LIN7A: variants seen among roughly 807,000 people sequenced by gnomAD.
LIN7A encodes the protein lin-7 cell polarity scaffold A, also known as protein lin-7 homolog A.
Under a neutral mutation model 29.8 loss-of-function variants are expected in LIN7A, and 25 were observed. The ratio of observed to expected loss-of-function variants is 0.84; its 90% CI spans 0.61 to 1.17. The LOEUF is 1.17. Ranked by LOEUF, LIN7A falls within the 50% of genes most tolerant of loss-of-function variation. The probability of loss-of-function intolerance (pLI) is 0.00; values close to 1 mark genes in which losing one functional copy is unlikely to be tolerated. For synonymous variants in LIN7A, 118 were observed against 107.5 expected (o/e 1.10, Z -0.60); for missense variants, 239 against 287.0 (o/e 0.83, Z 1.21).
intron 1 of LIN7A, among the ~76,000 whole-genome samples, chr12:80,907,071 G>C (rs918996761): frequency 4.8e-5 from 7 of 146,682 alleles, no homozygotes; most frequent in Non-Finnish European, 1.1e-4. Flanking sequence ...GTGTGTGTGT[G>C]TGTGTGTGTG....
intron 1 of LIN7A, among the ~76,000 whole-genome samples, chr12:80,917,944 A>C (rs1353250145): frequency 6.6e-6 from 1 of 152,248 alleles, no homozygotes; most frequent in Admixed American, 6.5e-5. Flanking sequence ...ATGAGAAACC[A>C]GTGTAAATAA....
intron 4 of LIN7A, among the ~76,000 whole-genome samples, chr12:80,822,836 G>C (rs953456682): frequency 2.0e-4 from 31 of 152,104 alleles, no homozygotes; most frequent in Non-Finnish European, 1.6e-4. Flanking sequence ...GCAGACTCCT[G>C]GGTGGAAAGG....
At chr12:80,811,107 C>T (rs1871265136) in intron 5 of LIN7A, among the ~76,000 whole-genome samples, 1 of 152,130 alleles carries the variant, frequency 6.6e-6, no homozygotes, top group Non-Finnish European at 1.5e-5. Context: ...TGGAATCCAG[C>T]CCACACTCTT....
At chr12:80,867,598 G>C (rs987653390) in intron 2 of LIN7A, among the ~76,000 whole-genome samples, 2 of 152,014 alleles carry the variant, frequency 1.3e-5, no homozygotes, top group African/African-American at 4.8e-5. Context: ...TAAGTTTTCT[G>C]TTATGCAAAT....
At chr12:80,835,181 A>G (rs1378828639) in intron 4 of LIN7A, among the ~76,000 whole-genome samples, 2 of 152,198 alleles carry the variant, frequency 1.3e-5, no homozygotes, top group African/African-American at 2.4e-5. Flanking sequence ...TTTGTAAATT[A>G]AGGAAAAATG....
chr12:80,871,076 A>T (rs1423448592), intron 2 of LIN7A, among the ~76,000 whole-genome samples: 1 of 152,198 alleles, frequency 6.6e-6, no homozygotes, highest in South Asian at 2.1e-4. Context: ...TGAAGGAGTC[A>T]GTGTTTGTTA....
At chr12:80,922,129 C>T (rs1034913425) in intron 1 of LIN7A, among the ~76,000 whole-genome samples, 5 of 152,172 alleles carry the variant, frequency 3.3e-5, no homozygotes, top group Non-Finnish European at 7.3e-5. Flanking sequence ...TTTTGGCCTA[C>T]AGGAGTAAAC....
intron 5 of LIN7A, among the ~76,000 whole-genome samples, chr12:80,801,667 C>T (rs2121486221): frequency 6.6e-6 from 1 of 152,274 alleles, no homozygotes; most frequent in Admixed American, 6.5e-5. Context: ...TTTATCACCA[C>T]ACATACTTAT....
chr12:80,815,332 A>G (rs538504976), intron 4 of LIN7A, among the ~76,000 whole-genome samples: 1 of 152,314 alleles, frequency 6.6e-6, no homozygotes, highest in African/African-American at 2.4e-5. Context: ...TGTTGCATGA[A>G]TAAAAAGAAG....
chr12:80,832,704 C>T, intron 4 of LIN7A: 2 of 431,416 alleles, frequency 4.6e-6, no homozygotes, highest in Non-Finnish European at 9.2e-6. Context: ...CATGTTGATG[C>T]TATGATTTGG....
At chr12:80,878,555 G>A (rs924613266) in intron 2 of LIN7A, among the ~76,000 whole-genome samples, 2 of 152,182 alleles carry the variant, frequency 1.3e-5, no homozygotes, top group Admixed American at 1.3e-4. Flanking sequence ...GTGAGCAGCA[G>A]CAAGATTTAT....
chr12:80,807,259 A>G (rs1871088817), intron 5 of LIN7A, among the ~76,000 whole-genome samples: 1 of 151,546 alleles, frequency 6.6e-6, no homozygotes, highest in Admixed American at 6.6e-5. Flanking sequence ...TTTAGTAGAG[A>G]CGGGGTTTCA....
intron 4 of LIN7A, among the ~76,000 whole-genome samples, chr12:80,817,237 A>C (rs1331662072): frequency 6.6e-6 from 1 of 152,120 alleles, no homozygotes; most frequent in Non-Finnish European, 1.5e-5. Context: ...TTTGAATTGC[A>C]CTACATACAT....
chr12:80,864,126 A>G (rs908767340), intron 2 of LIN7A, among the ~76,000 whole-genome samples: 4 of 152,176 alleles, frequency 2.6e-5, no homozygotes, highest in African/African-American at 4.8e-5. Context: ...AGTTACACTC[A>G]TAAGTTTAAG....
In LIN7A at chr12:80,937,621, C is replaced by G. The variant is rs532540343; in HGVS notation, c.82+20G>C. 5.5e-6 allele frequency: 8 copies of G among 1,456,024 alleles called. No homozygotes were observed. The highest frequency in any genetic ancestry group is 5.6e-5 in the East Asian group (2 of 35,992). The allele number at this position is 1,456,024 out of a possible 1,614,324, so 90.2% of individuals were successfully genotyped here. On this transcript the variant is annotated intron_variant, in intron 1 of 5. Coordinates refer to ENST00000552864, the MANE Select transcript of LIN7A (RefSeq NM_004664.4). The stretch of plus-strand genomic sequence containing the variant: ...GGGGAGAGGGGACGCGGTGGCCTGG[C>G]GAGCGAGCCGCTCCCTTACCTCTGT...
chr12:80,803,768 G>A (rs1312961027), intron 5 of LIN7A, among the ~76,000 whole-genome samples: 1 of 152,130 alleles, frequency 6.6e-6, no homozygotes, highest in Non-Finnish European at 1.5e-5. Context: ...TAATTTTTAT[G>A]GTAGCCATGG....
At chr12:80,927,800 CT>C (rs1400435686) in intron 1 of LIN7A, among the ~76,000 whole-genome samples, 10 of 152,238 alleles carry the variant, frequency 6.6e-5, no homozygotes, top group Admixed American at 5.9e-4. Context: ...CGTTGGTTTG[CT>C]GCACCCGTCA....
rs180726127 is a variant in LIN7A, at chr12:80,874,467, T to C, written c.201+14784A>G. 2.6e-5 allele frequency among the ~76,000 whole-genome samples: 4 copies of C among 152,294 alleles called. No individual in the cohort carries two copies. In the East Asian group the frequency reaches 7.7e-4, roughly 29 times the overall value. On this transcript the variant is annotated intron_variant, in intron 2 of 5. Coordinates refer to ENST00000552864, the MANE Select transcript of LIN7A (RefSeq NM_004664.4). ...ATTATACAATGATTAGTAACTAAAT[T>C]TTTTACATTGTTTCTTGAAAACTTG... is the stretch of plus-strand genomic sequence containing the variant.
At chr12:80,905,551 A>C (rs1876435278) in intron 1 of LIN7A, among the ~76,000 whole-genome samples, 1 of 152,134 alleles carries the variant, frequency 6.6e-6, no homozygotes, top group African/African-American at 2.4e-5. Flanking sequence ...AAATAGCCTT[A>C]TTTTATTTTA....
Sources: allele counts gnomAD v4.1 joint callset (sites outside exome capture counted in the v4.1 genomes callset), GRCh38; gene constraint gnomAD v4.1.1; transcripts MANE v1.5; gene names NCBI Gene and HGNC (gene_info 2026-07-23, HGNC 2026-07-21).